The following ARHGAP26 variants were observed in gnomAD, a reference collection of about 807,000 sequenced individuals.
The protein encoded by ARHGAP26 is Rho GTPase activating protein 26, also known as rho GTPase-activating protein 26.
In ARHGAP26, 38 loss-of-function variants were observed where a neutral mutation model predicts 104.8. That is an observed-to-expected ratio of 0.36 (90% CI 0.28 to 0.48). ARHGAP26 has a LOEUF of 0.48. ARHGAP26 is among the 20% of genes least tolerant of loss of function. The pLI is 0.99. For synonymous variants in ARHGAP26, 341 were observed against 340.0 expected (o/e 1.00, Z -0.03); for missense variants, 704 against 947.9 (o/e 0.74, Z 3.38).
chr5:142,978,457 A>T (rs1470010226), intron 11 of ARHGAP26, among the ~76,000 whole-genome samples: 2 of 152,172 alleles, frequency 1.3e-5, no homozygotes, highest in African/African-American at 4.8e-5. Context: ...AACCAATCTG[A>T]AACTGGAAAC....
At chr5:142,788,643 C>A (rs895897566) in intron 1 of ARHGAP26, among the ~76,000 whole-genome samples, 5 of 152,104 alleles carry the variant, frequency 3.3e-5, no homozygotes, top group African/African-American at 1.2e-4. Context: ...ACAACTGTTA[C>A]AGAGCTATTA....
chr5:143,106,466 C>CTTTTTTTTT lies in ARHGAP26; in HGVS notation c.1539-14506_1539-14498dup, dbSNP rs70991793. On this transcript the variant is annotated intron_variant, in intron 17 of 22. Coordinates refer to ENST00000645722, the MANE Select transcript of ARHGAP26 (RefSeq NM_001135608.3). Reference sequence around the variant, plus strand: ...CTCCTTTGGAATACAATGCATTGGGCTTTTTTTTTTTTTTTTTTTTTTTTG... The same window carrying CTTTTTTTTT: ...CTCCTTTGGAATACAATGCATTGGGCTTTTTTTTTTTTTTTTTTTTTTTTTTTTTTTTTG... Among the ~76,000 whole-genome samples, 14 of 77,302 alleles carry CTTTTTTTTT rather than the reference C, an allele frequency of 1.8e-4. 1 individual carries two copies. Among genetic ancestry groups the CTTTTTTTTT allele is most frequent in the East Asian group, 9.4e-4 (2 of 2,130 alleles). The allele number at this position is 77,302 out of a possible 152,430, so 50.7% of individuals were successfully genotyped here. A position where few individuals can be genotyped will look rare whatever the true frequency, so the allele number is the denominator to read the frequency against.
Position 142,819,508 on chromosome 5 carries a change from C to G in ARHGAP26, c.154+48593C>G, listed in dbSNP as rs1408657688. The stretch of plus-strand genomic sequence containing the variant: ...GTGCAGACTGAGGCTGTTAGGTCTT[C>G]TGGAGTTTGCCAGAATAGACAGCCT... On this transcript the variant is annotated intron_variant, in intron 1 of 22. Transcript: ENST00000645722. Among the ~76,000 whole-genome samples, 11 of 152,216 alleles carry G rather than the reference C, an allele frequency of 7.2e-5. No homozygotes were observed. In the East Asian group the frequency reaches 2.1e-3, roughly 29 times the overall value.
chr5:142,949,520 A>T lies in ARHGAP26; in HGVS notation c.1107+17395A>T, dbSNP rs142460633. 2.0e-5 allele frequency among the ~76,000 whole-genome samples: 3 copies of T among 152,284 alleles called. No individual in the cohort carries two copies. In the East Asian group the frequency reaches 5.8e-4, roughly 29 times the overall value. ...TTGGAAGTTCAGATCAATTTTACCC[A>T]GAAGGTAGGCTGTTTCCTTGGATAG... On this transcript the variant is annotated intron_variant, in intron 11 of 22. Transcript: ENST00000645722.
At chr5:142,785,681 A>T (rs1044751764) in intron 1 of ARHGAP26, among the ~76,000 whole-genome samples, 1 of 152,230 alleles carries the variant, frequency 6.6e-6, no homozygotes, top group Admixed American at 6.5e-5. Context: ...GACTATTGAC[A>T]AAAGTAAACT....
intron 10 of ARHGAP26, among the ~76,000 whole-genome samples, chr5:142,924,155 A>G (rs1763587215): frequency 6.6e-6 from 1 of 152,066 alleles, no homozygotes. Context: ...TTTCTAAATA[A>G]TTGATTAGAA....
intron 1 of ARHGAP26, among the ~76,000 whole-genome samples, chr5:142,830,830 CTCTCAGTTTG>C (rs1768269561): frequency 6.6e-6 from 1 of 152,192 alleles, no homozygotes; most frequent in Admixed American, 6.5e-5. Flanking sequence ...GTATCCCCCT[CTCTCAGTTTG>C]TATCATTTTC....
At chr5:143,015,660 A>C (rs970148512) in intron 12 of ARHGAP26, among the ~76,000 whole-genome samples, 1 of 152,150 alleles carries the variant, frequency 6.6e-6, no homozygotes, top group Admixed American at 6.6e-5. Flanking sequence ...ACACTAACAG[A>C]TACTCACACC....
chr5:142,862,129 A>G (rs907024400), intron 1 of ARHGAP26, among the ~76,000 whole-genome samples: 3 of 152,182 alleles, frequency 2.0e-5, no homozygotes, highest in Non-Finnish European at 4.4e-5. Flanking sequence ...AGAGAAAGCT[A>G]GAAAGCTCAG....
intron 1 of ARHGAP26, among the ~76,000 whole-genome samples, chr5:142,854,911 T>C (rs1280443952): frequency 6.6e-6 from 1 of 152,168 alleles, no homozygotes; most frequent in Non-Finnish European, 1.5e-5. Context: ...GAAGGGGCTT[T>C]AACTGGATGT....
At chr5:142,880,563 G>A (rs572907324) in intron 4 of ARHGAP26, among the ~76,000 whole-genome samples, 40 of 152,110 alleles carry the variant, frequency 2.6e-4, no homozygotes, top group African/African-American at 9.4e-4. Flanking sequence ...TTGACCTTCG[G>A]TAGAGTGTTA....
chr5:143,015,460 T>C (rs921701583), intron 12 of ARHGAP26, among the ~76,000 whole-genome samples: 5 of 152,342 alleles, frequency 3.3e-5, no homozygotes, highest in African/African-American at 1.2e-4. Context: ...CTGTTTGTAG[T>C]CCTTGCCTCA....
chr5:142,791,892 A>C (rs989143667), intron 1 of ARHGAP26, among the ~76,000 whole-genome samples: 2 of 128,896 alleles, frequency 1.6e-5, no homozygotes, highest in Non-Finnish European at 1.6e-5. Flanking sequence ...TGAACCCGGG[A>C]GGCGGAGGTT....
At chr5:143,141,890 T>C (rs1798580290) in intron 19 of ARHGAP26, among the ~76,000 whole-genome samples, 1 of 152,214 alleles carries the variant, frequency 6.6e-6, no homozygotes, top group African/African-American at 2.4e-5. Context: ...CCTCCACGTC[T>C]CTTTCCTGTG....
intron 14 of ARHGAP26, among the ~76,000 whole-genome samples, chr5:143,048,844 G>A (rs1784585557): frequency 6.6e-6 from 1 of 150,864 alleles, no homozygotes; most frequent in Admixed American, 6.6e-5. Context: ...AACGTGGGAG[G>A]TGGAGGTTGC....
chr5:143,179,687 T>G (rs543368850), intron 20 of ARHGAP26, among the ~76,000 whole-genome samples: 1 of 152,340 alleles, frequency 6.6e-6, no homozygotes, highest in Admixed American at 6.5e-5. Context: ...CTGAAGTAAT[T>G]TGCTCCCTTT....
chr5:142,773,825 C>A (rs1195629466), intron 1 of ARHGAP26, among the ~76,000 whole-genome samples: 1 of 152,056 alleles, frequency 6.6e-6, no homozygotes, highest in East Asian at 1.9e-4. Flanking sequence ...AACAGAGAGG[C>A]CAAAAACCTG....
At chr5:143,118,024 T>C (rs929657212) in intron 17 of ARHGAP26, among the ~76,000 whole-genome samples, 1 of 152,220 alleles carries the variant, frequency 6.6e-6, no homozygotes, top group African/African-American at 2.4e-5. Flanking sequence ...CACTGTGTAA[T>C]AAATGCAGGA....
At chr5:143,133,868 A>C in intron 18 of ARHGAP26, 99 bp from the exon 19 acceptor site, 1 of 1,218,380 alleles carries the variant, frequency 8.2e-7, no homozygotes, top group Non-Finnish European at 1.1e-6. Flanking sequence ...TTTCTTGCTA[A>C]TTCCAAGACA....
Sources: allele counts gnomAD v4.1 joint callset (sites outside exome capture counted in the v4.1 genomes callset), GRCh38; gene constraint gnomAD v4.1.1; transcripts MANE v1.5; gene names NCBI Gene and HGNC (gene_info 2026-07-23, HGNC 2026-07-21).